Variants in APBA1 observed in about 807,000 individuals in gnomAD.
The protein encoded by APBA1 is amyloid-beta A4 precursor protein-binding family A member 1.
In APBA1, 55 loss-of-function variants were observed where a neutral mutation model predicts 86.6. The observed-to-expected ratio is 0.64, with a 90% CI of 0.51 to 0.80. The LOEUF (loss-of-function observed/expected upper bound fraction) is 0.80. Ranked by LOEUF, APBA1 falls within the 30% of genes least tolerant of loss-of-function variation. The probability of loss-of-function intolerance (pLI) is 0.00; values close to 1 mark genes in which losing one functional copy is unlikely to be tolerated. For missense variants in APBA1, 1,090 were observed against 1,183.0 expected (o/e 0.92, Z 1.15); for synonymous variants, 511 against 493.9 (o/e 1.03, Z -0.46).
chr9:69,540,214 C>T (rs983929077), intron 1 of APBA1, among the ~76,000 whole-genome samples: 31 of 152,078 alleles, frequency 2.0e-4, no homozygotes, highest in African/African-American at 7.2e-4. Context: ...TAATCTCCAT[C>T]ACTATCTGCT....
chr9:69,570,949 C>G (rs1837105873), intron 1 of APBA1, among the ~76,000 whole-genome samples: 1 of 152,134 alleles, frequency 6.6e-6, no homozygotes. Context: ...CCTAATAAGA[C>G]AAGTCTATTC....
At chr9:69,440,068 G>A (rs568752296) in intron 11 of APBA1, among the ~76,000 whole-genome samples, 116 of 152,278 alleles carry the variant, frequency 7.6e-4, no homozygotes, top group African/African-American at 2.7e-3. Flanking sequence ...TGTTTGCCTG[G>A]GTATCAGCAG....
intron 1 of APBA1, among the ~76,000 whole-genome samples, chr9:69,609,771 G>T: frequency 6.6e-6 from 1 of 152,060 alleles, no homozygotes; most frequent in African/African-American, 2.4e-5. Context: ...TCAGATTCTT[G>T]GTCTCCTTCC....
intron 1 of APBA1, among the ~76,000 whole-genome samples, chr9:69,582,252 A>G (rs1344773577): frequency 6.6e-6 from 1 of 152,212 alleles, no homozygotes; most frequent in Non-Finnish European, 1.5e-5. Flanking sequence ...ATGATCAGAT[A>G]CAAAGTAAGA....
At chr9:69,672,508 G>C (rs1640821448), upstream of APBA1, among the ~76,000 whole-genome samples, 1 of 146,744 alleles carries the variant, frequency 6.8e-6, no homozygotes, top group African/African-American at 2.5e-5. Flanking sequence ...TGCTAGTAGC[G>C]CCCCTGCCTC....
intron 1 of APBA1, among the ~76,000 whole-genome samples, chr9:69,583,907 T>A (rs10780537): frequency 0.35 from 53,007 of 152,130 alleles, 11,125 homozygotes; most frequent in East Asian, 0.74. Flanking sequence ...TGTGAAGGCA[T>A]GAGATGAGGA....
intron 2 of APBA1, among the ~76,000 whole-genome samples, chr9:69,489,245 T>C (rs1322868706): frequency 6.6e-6 from 1 of 152,030 alleles, no homozygotes; most frequent in Non-Finnish European, 1.5e-5. Context: ...AAGGCTACAG[T>C]AACCAAAACA....
chr9:69,470,700 C>A (rs970028649), intron 4 of APBA1, among the ~76,000 whole-genome samples: 2 of 152,208 alleles, frequency 1.3e-5, no homozygotes, highest in African/African-American at 4.8e-5. Flanking sequence ...TCCAGACACA[C>A]CCTCAGAGAG....
At position 69,516,175 on chromosome 9, in the gene APBA1, T is replaced by A; in HGVS notation, c.1036A>T (p.Ile346Phe). Residue 346 changes from isoleucine (I) to phenylalanine (F), a missense_variant, in exon 2 of 13, where the codon ATC (isoleucine) becomes TTC (phenylalanine). Around this residue, in one of 6 missense-constraint regions of APBA1, gnomAD observed 678 missense variants for 647.1 expected, o/e 1.05. Transcript: ENST00000265381. This position sits in a 1 kb window ranked among gnomAD's most constrained non-coding sequence, Gnocchi z 7.3. Reference protein sequence around the residue: ...QRYSKEKRDAISLAIKDIKEA... With the variant: ...QRYSKEKRDAFSLAIKDIKEA... The stretch of plus-strand genomic sequence containing the variant: ...TTGATGTCCTTGATGGCCAGCGAGA[T>A]GGCATCGCGCTTCTCCTTGCTGTAC... The A allele has an allele frequency of 6.2e-7, 1 of 1,610,750 alleles. No homozygotes were observed.
Position 69,450,067 on chromosome 9 carries a change from T to TG in APBA1, c.1969-272_1969-271insC, listed in dbSNP as rs1290499792. Among the ~76,000 whole-genome samples the TG allele has an allele frequency of 4.9e-3, 728 of 149,558 alleles. 4 individuals are homozygous for TG. Among genetic ancestry groups the TG allele is most frequent in the African/African-American group, 0.017 (693 of 40,282 alleles). The stretch of plus-strand genomic sequence containing the variant: ...CATGAGGACCACCAGTTTTTTTTTT[T>TG]TTTTTTTTTTTTTTTAATTTCTTCA... On this transcript the variant is annotated intron_variant, in intron 9 of 12. Transcript: ENST00000265381.
intron 4 of APBA1, among the ~76,000 whole-genome samples, chr9:69,470,387 A>G (rs764726253): frequency 6.6e-6 from 1 of 152,158 alleles, no homozygotes; most frequent in Non-Finnish European, 1.5e-5. Context: ...GGGAGCACAC[A>G]TGTGACATCC....
At chr9:69,617,746 TA>T (rs1822731653) in intron 1 of APBA1, among the ~76,000 whole-genome samples, 2 of 152,186 alleles carry the variant, frequency 1.3e-5, no homozygotes, top group African/African-American at 4.8e-5. Flanking sequence ...TCTCATTTTT[TA>T]AAAATTGTGG....
chr9:69,442,366 AG>A (rs1834838569), intron 10 of APBA1, among the ~76,000 whole-genome samples: 1 of 151,800 alleles, frequency 6.6e-6, no homozygotes. Flanking sequence ...CATAGCCCTC[AG>A]TGGGAAGCAC....
At chr9:69,440,862 C>CT (rs1254176404) in intron 11 of APBA1, 134 bp downstream of exon 11, 5 of 1,172,514 alleles carry the variant, frequency 4.3e-6, no homozygotes, top group Non-Finnish European at 6.0e-6. Context: ...AATTACCCGT[C>CT]TTCTGCATCA....
In APBA1 at chr9:69,467,823, C is replaced by G. The variant is rs769342908; in HGVS notation, c.1482G>C (p.Lys494Asn). 1 of 1,614,070 alleles carries G rather than the reference C, an allele frequency of 6.2e-7. No homozygotes were observed. Among genetic ancestry groups the G allele is most frequent in the Non-Finnish European group, 8.5e-7 (1 of 1,180,030 alleles). The change falls in exon 5 of 13, where the codon AAG becomes AAC. Residue 494 changes from lysine to asparagine, a missense_variant and splice_region_variant. Lys to Asn is a moderately conservative substitution (Grantham distance 94). Coordinates refer to ENST00000265381, the MANE Select transcript of APBA1 (RefSeq NM_001163.4). The part of the protein sequence containing the change: ...MQAQEAVSRI[K>N]MAQKLAKSRK... ...TGTTGGAGCACCCAGATGTCCTCAC[C>G]TTGATCCTGCTTACGGCTTCCTGGG...
Position 69,432,744 on chromosome 9 carries a change from C to T in APBA1, c.2302-68G>A, listed in dbSNP as rs936836641. The stretch of plus-strand genomic sequence containing the variant: ...CGGTGGGGCTGGAAGGCCGTCTTTC[C>T]TGAAAGCCCCCTGCCCCTACACTCT... On this transcript the variant is annotated intron_variant, in intron 11 of 12. Coordinates refer to ENST00000265381, the MANE Select transcript of APBA1 (RefSeq NM_001163.4). 29 of 1,380,286 alleles carry T rather than the reference C, an allele frequency of 2.1e-5. 1 individual carries two copies. In the South Asian group the frequency reaches 4.7e-4, roughly 23 times the overall value. 85.5% of individuals were successfully genotyped at this position (1,380,286 alleles called of 1,614,324 possible). A position where few individuals can be genotyped will look rare whatever the true frequency, so the allele number is the denominator to read the frequency against.
chr9:69,442,602 G>T (rs545651802), intron 10 of APBA1, among the ~76,000 whole-genome samples: 11 of 152,324 alleles, frequency 7.2e-5, no homozygotes, highest in African/African-American at 2.6e-4. Context: ...CACCTGCTCA[G>T]TTCACAAGTG....
intron 1 of APBA1, among the ~76,000 whole-genome samples, chr9:69,591,351 G>A (rs1822124554): frequency 6.6e-6 from 1 of 152,130 alleles, no homozygotes; most frequent in South Asian, 2.1e-4. Flanking sequence ...AATACAGATG[G>A]TTGACAAATA....
At chr9:69,465,127 G>T (rs533965233) in intron 5 of APBA1, 2 of 152,284 alleles carry the variant, frequency 1.3e-5, no homozygotes, top group African/African-American at 4.8e-5. Context: ...TCTTTGTTTT[G>T]TGGCTCTGCC....
Sources: allele counts gnomAD v4.1 joint callset (sites outside exome capture counted in the v4.1 genomes callset), GRCh38; gene constraint gnomAD v4.1.1; regional missense constraint gnomAD v4.1.1; non-coding constraint Gnocchi (gnomAD v3.1); transcripts MANE v1.5; gene names NCBI Gene and HGNC (gene_info 2026-07-23, HGNC 2026-07-21).